Variants in SSU72L6 observed in about 807,000 individuals in gnomAD.
SSU72L6 encodes the protein RNA polymerase II subunit A C-terminal domain phosphatase SSU72 like protein 6.
the SSU72L6 span, chr7:124,476,901 G>A: frequency 1.3e-6 from 1 of 764,468 alleles, no homozygotes; most frequent in Admixed American, 1.7e-5. Context: ...AGCTGCTGTT[G>A]CAAATGGAGG....
At chr7:124,476,470 C>T in the SSU72L6 span, 406 of 780,496 alleles carry the variant, frequency 5.2e-4, 1 homozygote, top group Admixed American at 1.2e-3. Context: ...GCTAAGTGTC[C>T]GGTCTTTCGG....
At chr7:124,476,654 C>G in the SSU72L6 span, 28 of 780,674 alleles carry the variant, frequency 3.6e-5, no homozygotes, top group South Asian at 3.4e-4. Flanking sequence ...AAGCCTGGCC[C>G]AGAAAGATTT....
chr7:124,477,121 G>A, the SSU72L6 span, among the ~76,000 whole-genome samples: 7 of 152,130 alleles, frequency 4.6e-5, no homozygotes, highest in Non-Finnish European at 1.0e-4. Context: ...ATATTTTATG[G>A]GAAATGAGAA....
the SSU72L6 span, chr7:124,476,882 G>A: frequency 3.0e-5 from 23 of 765,192 alleles, no homozygotes; most frequent in Non-Finnish European, 4.5e-5. Context: ...ATGGAAGACA[G>A]TCTGGAGGAG....
At chr7:124,476,478 C>T in the SSU72L6 span, 113 of 780,460 alleles carry the variant, frequency 1.4e-4, 1 homozygote, top group South Asian at 1.0e-3. Flanking sequence ...TCCGGTCTTT[C>T]GGAACTGAAT....
the SSU72L6 span, chr7:124,476,540 T>C: frequency 1.3e-6 from 1 of 780,544 alleles, no homozygotes; most frequent in Non-Finnish European, 2.4e-6. Context: ...GTTTACGATT[T>C]TGCAACAACA....
chr7:124,476,941 G>A, the SSU72L6 span: 436 of 755,608 alleles, frequency 5.8e-4, 7 homozygotes, highest in East Asian at 9.5e-3. Flanking sequence ...TCTTCACACC[G>A]TCTGCTTCTA....
At chr7:124,476,911 G>A in the SSU72L6 span, 2 of 763,878 alleles carry the variant, frequency 2.6e-6, no homozygotes, top group African/African-American at 3.4e-5. Context: ...GCAAATGGAG[G>A]AGAAGGCAGG....
At chr7:124,476,578 A>T in the SSU72L6 span, 1 of 780,714 alleles carries the variant, frequency 1.3e-6, no homozygotes, top group Non-Finnish European at 2.4e-6. Flanking sequence ...TGACCTCCTC[A>T]GGAAAGATAG....
the SSU72L6 span, among the ~76,000 whole-genome samples, chr7:124,477,599 C>G: frequency 6.7e-6 from 1 of 148,694 alleles, no homozygotes; most frequent in South Asian, 2.1e-4. Context: ...TTGGAATTAT[C>G]TACTCAAATA....
the SSU72L6 span, chr7:124,476,401 G>A: frequency 1.3e-6 from 1 of 779,008 alleles, no homozygotes; most frequent in South Asian, 1.3e-5. Flanking sequence ...GGTGGCTGTG[G>A]TGTGTGTGAG....
the SSU72L6 span, chr7:124,476,852 G>C: frequency 2.6e-6 from 2 of 767,936 alleles, no homozygotes; most frequent in African/African-American, 3.4e-5. Flanking sequence ...ATTTGCCAGT[G>C]CCTGCAGCAG....
chr7:124,476,468 T>G, the SSU72L6 span: 2 of 780,516 alleles, frequency 2.6e-6, no homozygotes, highest in Admixed American at 3.4e-5. Context: ...GGGCTAAGTG[T>G]CCGGTCTTTC....
chr7:124,477,038 C>T, the SSU72L6 span: 1 of 621,970 alleles, frequency 1.6e-6, no homozygotes, highest in South Asian at 1.9e-5. Flanking sequence ...GAAGTATCTA[C>T]AAAGACCTTC....
the SSU72L6 span, chr7:124,476,881 A>T: frequency 1.3e-6 from 1 of 765,204 alleles, no homozygotes; most frequent in Non-Finnish European, 2.4e-6. Flanking sequence ...CATGGAAGAC[A>T]GTCTGGAGGA....
the SSU72L6 span, chr7:124,476,649 T>C: frequency 5.1e-6 from 4 of 780,746 alleles, no homozygotes; most frequent in Admixed American, 1.7e-5. Context: ...GAATCAAGCC[T>C]GGCCCAGAAA....
the SSU72L6 span, chr7:124,476,649 TG>T: frequency 1.3e-6 from 1 of 780,746 alleles, no homozygotes; most frequent in Non-Finnish European, 2.4e-6. Context: ...GAATCAAGCC[TG>T]GCCCAGAAAG....
the SSU72L6 span, chr7:124,476,499 G>A: frequency 1.3e-6 from 1 of 780,654 alleles, no homozygotes; most frequent in Non-Finnish European, 2.4e-6. Flanking sequence ...CTCATGTGAG[G>A]CTACCAGGAC....
At chr7:124,476,791 A>G in the SSU72L6 span, 3 of 779,206 alleles carry the variant, frequency 3.9e-6, no homozygotes, top group South Asian at 4.0e-5. Context: ...CAACATGGAC[A>G]TCAAAGATAC....
Sources: gnomAD v4.1 joint callset for allele counts (sites outside exome capture counted in the v4.1 genomes callset) on GRCh38, gnomAD v4.1.1 for gene constraint, MANE v1.5 for transcripts, NCBI Gene and HGNC (gene_info 2026-07-23, HGNC 2026-07-21) for gene names.